Variants in TSPAN9 observed in about 807,000 individuals in gnomAD.
The protein encoded by TSPAN9 is tetraspanin-9.
In TSPAN9, 16 loss-of-function variants were observed where a neutral mutation model predicts 31.0. That is an observed-to-expected ratio of 0.52 (90% CI 0.35 to 0.78). TSPAN9 has a LOEUF of 0.78. TSPAN9 is among the 30% of genes least tolerant of loss of function. The pLI, the probability that TSPAN9 is intolerant of heterozygous loss-of-function variation, is 0.01. For missense variants in TSPAN9, 272 were observed against 312.5 expected, an observed-to-expected ratio of 0.87 and a Z score of 0.98; for synonymous variants, 145 against 121.6, an observed-to-expected ratio of 1.19 and a Z score of -1.27.
In TSPAN9 at chr12:3,281,789, C is replaced by T. The variant is rs141218062; in HGVS notation, c.620C>T (p.Thr207Met). Reference sequence around the variant, plus strand: ...GATGACAATAAGCACGTGCTGGGCACGGTGGGGATGTGCATCCTCATCATG... The same window carrying T: ...GATGACAATAAGCACGTGCTGGGCATGGTGGGGATGTGCATCCTCATCATG... ...WFDDNKHVLG[T>M]VGMCILIMQI... The change falls in exon 8 of 9, where the codon ACG (threonine) becomes ATG (methionine). Residue 207 changes from threonine to methionine, a missense_variant. Thr to Met is a moderately conservative substitution (Grantham distance 81). Transcript: ENST00000011898. 1.2e-4 allele frequency: 198 copies of T among 1,614,028 alleles called. No individual in the cohort carries two copies. The highest frequency in any genetic ancestry group is 1.6e-4 in the Non-Finnish European group (184 of 1,180,028).
At chr12:3,136,879 G>A (rs528910961) in intron 2 of TSPAN9, among the ~76,000 whole-genome samples, 1 of 152,322 alleles carries the variant, frequency 6.6e-6, no homozygotes, top group African/African-American at 2.4e-5. Flanking sequence ...TCTAAGGCAG[G>A]GCTGGAGAAA....
At chr12:3,248,896 C>T (rs922912572) in intron 3 of TSPAN9, among the ~76,000 whole-genome samples, 3 of 152,222 alleles carry the variant, frequency 2.0e-5, no homozygotes, top group African/African-American at 7.2e-5. Context: ...ATCCCACCAC[C>T]TGCCCAGCTC....
intron 2 of TSPAN9, among the ~76,000 whole-genome samples, chr12:3,145,281 C>T (rs887471836): frequency 3.3e-5 from 5 of 152,212 alleles, no homozygotes; most frequent in African/African-American, 7.2e-5. Flanking sequence ...GGCTCTCTCC[C>T]GTTGTGTCCT....
intron 2 of TSPAN9, among the ~76,000 whole-genome samples, chr12:3,131,939 C>G (rs992438172): frequency 6.6e-6 from 1 of 152,308 alleles, no homozygotes; most frequent in African/African-American, 2.4e-5. Flanking sequence ...CCCCCCAGGC[C>G]TCTCACCACT....
intron 1 of TSPAN9, among the ~76,000 whole-genome samples, chr12:3,083,406 C>G (rs2098298855): frequency 6.6e-6 from 1 of 152,220 alleles, no homozygotes; most frequent in Non-Finnish European, 1.5e-5. Context: ...CATCACTAAT[C>G]AATCGCAGCT....
chr12:3,178,537 C>T (rs566389621), intron 2 of TSPAN9, among the ~76,000 whole-genome samples: 6 of 152,278 alleles, frequency 3.9e-5, no homozygotes, highest in South Asian at 2.1e-4. Flanking sequence ...GTGATCTGCC[C>T]GCCTTGGCCT....
intron 2 of TSPAN9, chr12:3,171,884 A>C (rs2098352029): frequency 6.6e-6 from 1 of 152,188 alleles, no homozygotes; most frequent in African/African-American, 2.4e-5. Flanking sequence ...CTGTGTCTGC[A>C]TCCAGAGTGG....
At chr12:3,169,158 C>T (rs113965937) in intron 2 of TSPAN9, among the ~76,000 whole-genome samples, 645 of 152,270 alleles carry the variant, frequency 4.2e-3, no homozygotes, top group African/African-American at 0.015. Context: ...GGGCAGAGGC[C>T]GTCACTGCAC....
intron 2 of TSPAN9, among the ~76,000 whole-genome samples, chr12:3,163,849 T>C (rs1378883237): frequency 6.6e-6 from 1 of 152,314 alleles, no homozygotes; most frequent in African/African-American, 2.4e-5. Context: ...ACAGAAAACC[T>C]CTGGTGTGAG....
rs571287816 is a variant in TSPAN9 at position 3,115,899 on chromosome 12, C to T, written c.-18+32180C>T. 1.1e-4 allele frequency among the ~76,000 whole-genome samples: 16 copies of T among 152,328 alleles called. No individual in the cohort carries two copies. The South Asian group carries it at 3.3e-3, about 32-fold the overall frequency. Reference sequence around the variant, plus strand: ...CAAAGCAGCTGTACCGTTTTACATTCCCACTAGAAGTGTGTGAGGACTCCA... The same window carrying T: ...CAAAGCAGCTGTACCGTTTTACATTTCCACTAGAAGTGTGTGAGGACTCCA... On this transcript the variant is annotated intron_variant, in intron 2 of 8. Coordinates refer to ENST00000011898, the MANE Select transcript of TSPAN9 (RefSeq NM_006675.5).
intron 3 of TSPAN9, among the ~76,000 whole-genome samples, chr12:3,271,574 A>C (rs930262325): frequency 1.8e-4 from 27 of 150,472 alleles, no homozygotes; most frequent in Admixed American, 1.4e-3. Flanking sequence ...AATGGAGTGC[A>C]TTGTGGGATG....
chr12:3,214,682 G>A (rs2098380431), intron 3 of TSPAN9, among the ~76,000 whole-genome samples: 1 of 152,062 alleles, frequency 6.6e-6, no homozygotes, highest in Admixed American at 6.5e-5. Context: ...CCCCCTGCAG[G>A]GGAGGGCCTT....
chr12:3,257,124 T>C (rs1194985834), intron 3 of TSPAN9, among the ~76,000 whole-genome samples: 1 of 152,158 alleles, frequency 6.6e-6, no homozygotes, highest in East Asian at 1.9e-4. Context: ...TCCAACCTTA[T>C]AGGCAAGAGC....
chr12:3,252,635 G>C (rs2153978255), intron 3 of TSPAN9, among the ~76,000 whole-genome samples: 1 of 152,356 alleles, frequency 6.6e-6, no homozygotes, highest in African/African-American at 2.4e-5. Context: ...GTCAGCTGTT[G>C]GTTTGGGAAG....
intron 3 of TSPAN9, among the ~76,000 whole-genome samples, chr12:3,220,180 C>T (rs962663678): frequency 1.3e-5 from 2 of 148,886 alleles, no homozygotes; most frequent in African/African-American, 5.1e-5. Flanking sequence ...TAGGAAGTTT[C>T]TTCAAAGAGA....
chr12:3,234,378 G>A (rs2098392260), intron 3 of TSPAN9, among the ~76,000 whole-genome samples: 1 of 152,124 alleles, frequency 6.6e-6, no homozygotes, highest in Non-Finnish European at 1.5e-5. Context: ...TGAGACTATG[G>A]CCTTGAGGGC....
At chr12:3,094,654 G>T (rs11832416) in intron 2 of TSPAN9, among the ~76,000 whole-genome samples, 4,306 of 151,052 alleles carry the variant, frequency 0.029, 207 homozygotes, top group African/African-American at 0.1. Context: ...TCCTGCCTCA[G>T]CCTCCCGAGT....
intron 2 of TSPAN9, among the ~76,000 whole-genome samples, chr12:3,197,654 A>G (rs2098367790): frequency 6.6e-6 from 1 of 152,100 alleles, no homozygotes; most frequent in Non-Finnish European, 1.5e-5. Context: ...CAGGTTCACC[A>G]GCACAAGTCA....
intron 3 of TSPAN9, among the ~76,000 whole-genome samples, chr12:3,237,951 C>T (rs768550412): frequency 6.6e-5 from 10 of 152,142 alleles, no homozygotes; most frequent in African/African-American, 9.7e-5. Flanking sequence ...TTGAGTTTCC[C>T]GTGATGATGG....
Sources: allele counts gnomAD v4.1 joint callset (sites outside exome capture counted in the v4.1 genomes callset), GRCh38; gene constraint gnomAD v4.1.1; transcripts MANE v1.5; gene names NCBI Gene and HGNC (gene_info 2026-07-23, HGNC 2026-07-21).